DTWD2: variants seen among roughly 807,000 people sequenced by gnomAD.
The protein encoded by DTWD2 is DTW motif tRNA-uridine aminocarboxypropyltransferase 2.
In DTWD2, 39 loss-of-function variants were observed where a neutral mutation model predicts 31.8. That is an observed-to-expected ratio of 1.22 (90% CI 0.95 to 1.60). DTWD2 has a LOEUF of 1.60. Ranked by LOEUF, DTWD2 falls within the 40% of genes most tolerant of loss-of-function variation. The probability of loss-of-function intolerance (pLI) is 0.00; values close to 1 mark genes in which losing one functional copy is unlikely to be tolerated. For synonymous variants in DTWD2, 180 were observed against 142.8 expected (o/e 1.26, Z -1.86); for missense variants, 515 against 381.5 (o/e 1.35, Z -2.92).
rs1437229099 is a variant in DTWD2 at position 118,837,073 on chromosome 5, T to G, written c.*3844A>C. Among the ~76,000 whole-genome samples, 1 of 152,178 alleles carries G rather than the reference T, an allele frequency of 6.6e-6. No homozygotes were observed. Among genetic ancestry groups the G allele is most frequent in the Non-Finnish European group, 1.5e-5 (1 of 68,018 alleles). On this transcript the variant is annotated 3_prime_UTR_variant, in exon 6 of 6. Transcript: ENST00000510708. ...AACATGCTATGTAAGGATGTATGAG[T>G]ATTTGTATAAATAACAACAGCTAGT...
At chr5:118,846,242 T>C (rs1751849876) in intron 5 of DTWD2, among the ~76,000 whole-genome samples, 2 of 152,068 alleles carry the variant, frequency 1.3e-5, no homozygotes, top group African/African-American at 4.8e-5. Context: ...CAAAATAATA[T>C]AAAATTGGAG....
chr5:118,842,734 A>G (rs557130573), intron 5 of DTWD2, among the ~76,000 whole-genome samples: 102 of 151,498 alleles, frequency 6.7e-4, no homozygotes, highest in African/African-American at 2.4e-3. Flanking sequence ...GCAGTTTGAG[A>G]CCAGCCCAGG....
rs191325697 is a variant in DTWD2, at chr5:118,971,039, A to G, written c.218+17255T>C. On this transcript the variant is annotated intron_variant, in intron 1 of 5. Coordinates refer to ENST00000510708, the MANE Select transcript of DTWD2 (RefSeq NM_173666.4). The stretch of plus-strand genomic sequence containing the variant: ...ACCAGTCACTACATAAATCCACTGA[A>G]GTACGCAAATCAGTGACACTACAAA... Among the ~76,000 whole-genome samples the G allele has an allele frequency of 7.5e-4, 114 of 152,342 alleles. 3 individuals are homozygous for G. In the Middle Eastern group the frequency reaches 0.017, roughly 23 times the overall value.
At chr5:118,908,248 G>T (rs1753377750) in intron 4 of DTWD2, among the ~76,000 whole-genome samples, 2 of 152,078 alleles carry the variant, frequency 1.3e-5, no homozygotes, top group South Asian at 4.2e-4. Context: ...ACCTGCATAG[G>T]GACCTCAGGA....
intron 1 of DTWD2, among the ~76,000 whole-genome samples, chr5:118,951,296 G>C (rs1276949611): frequency 6.6e-6 from 1 of 152,094 alleles, no homozygotes. Flanking sequence ...GCCTGGCAAG[G>C]GGCAGCCTGG....
chr5:118,928,106 G>A (rs1041184639), intron 4 of DTWD2, among the ~76,000 whole-genome samples: 4 of 151,916 alleles, frequency 2.6e-5, no homozygotes, highest in African/African-American at 4.8e-5. Flanking sequence ...CTGTAATAAT[G>A]AATGACAAAA....
intron 4 of DTWD2, among the ~76,000 whole-genome samples, chr5:118,862,721 A>G (rs1752290288): frequency 6.6e-6 from 1 of 152,184 alleles, no homozygotes; most frequent in South Asian, 2.1e-4. Flanking sequence ...CAATTTGTTC[A>G]GATGTTCAAT....
rs188726131 is a variant in DTWD2, at chr5:118,869,706, T to C, written c.598-21488A>G. ...AGGTATGGAAAAAGATACTCCAATA[T>C]GTTAACATAGCCTTTGTTATGGTAA... On this transcript the variant is annotated intron_variant, in intron 4 of 5. Coordinates refer to ENST00000510708, the MANE Select transcript of DTWD2 (RefSeq NM_173666.4). Among the ~76,000 whole-genome samples, 6 of 152,348 alleles carry C rather than the reference T, an allele frequency of 3.9e-5. 1 individual carries two copies. In the South Asian group the frequency reaches 1.0e-3, roughly 26 times the overall value.
At chr5:118,893,901 G>A (rs1409525485) in intron 4 of DTWD2, among the ~76,000 whole-genome samples, 1 of 152,074 alleles carries the variant, frequency 6.6e-6, no homozygotes, top group Non-Finnish European at 1.5e-5. Flanking sequence ...CAAATGACAA[G>A]GGAACAGTTT....
rs187697149 is a variant in DTWD2, at chr5:118,856,775, T to C, written c.598-8557A>G. Among the ~76,000 whole-genome samples the C allele has an allele frequency of 3.7e-3, 520 of 140,342 alleles. 6 individuals are homozygous for C. The highest frequency in any genetic ancestry group is 0.013 in the African/African-American group (507 of 37,982). 92.1% of individuals were successfully genotyped at this position (140,342 alleles called of 152,430 possible). Reference sequence around the variant, plus strand: ...TCCATTGAGGCTTACTTTTTTTTTTTTTTTTTTTTTTTTGAGATGGAGTTT... The same window carrying C: ...TCCATTGAGGCTTACTTTTTTTTTTCTTTTTTTTTTTTTGAGATGGAGTTT... On this transcript the variant is annotated intron_variant, in intron 4 of 5. Transcript: ENST00000510708.
intron 4 of DTWD2, among the ~76,000 whole-genome samples, chr5:118,880,355 G>GT (rs1195932142): frequency 2.0e-5 from 3 of 152,160 alleles, no homozygotes; most frequent in African/African-American, 4.8e-5. Flanking sequence ...TCAGATGCGT[G>GT]TAACAGTTGG....
chr5:118,897,663 G>A (rs1014959332), intron 4 of DTWD2, among the ~76,000 whole-genome samples: 2 of 152,144 alleles, frequency 1.3e-5, no homozygotes, highest in Non-Finnish European at 2.9e-5. Context: ...CCACACATCA[G>A]TGTTAAAAAC....
At chr5:118,939,871 C>T (rs575579905) in intron 2 of DTWD2, among the ~76,000 whole-genome samples, 21 of 152,274 alleles carry the variant, frequency 1.4e-4, no homozygotes, top group African/African-American at 5.1e-4. Flanking sequence ...TAACACAGTA[C>T]TGGGTTATAA....
intron 1 of DTWD2, among the ~76,000 whole-genome samples, chr5:118,947,401 G>T (rs761415343): frequency 2.0e-4 from 31 of 152,316 alleles, no homozygotes; most frequent in Middle Eastern, 6.8e-3. Context: ...GCTGGAAGAG[G>T]GATGGAGCAG....
intron 1 of DTWD2, among the ~76,000 whole-genome samples, chr5:118,985,632 C>G (rs1245376793): frequency 6.6e-6 from 1 of 151,142 alleles, no homozygotes; most frequent in African/African-American, 2.4e-5. Flanking sequence ...ATCCTTTTGC[C>G]TTCTGACTCT....
At chr5:118,875,037 A>G (rs1054905844) in intron 4 of DTWD2, among the ~76,000 whole-genome samples, 25 of 152,344 alleles carry the variant, frequency 1.6e-4, no homozygotes, top group African/African-American at 5.8e-4. Context: ...ACAAGCCAGA[A>G]GAAATTGGAG....
intron 4 of DTWD2, among the ~76,000 whole-genome samples, chr5:118,903,019 T>C (rs1753250815): frequency 6.6e-6 from 1 of 152,036 alleles, no homozygotes; most frequent in African/African-American, 2.4e-5. Flanking sequence ...TACTAATAAA[T>C]TTCTATGTTT....
chr5:118,948,245 G>C (rs1249308768), intron 1 of DTWD2, among the ~76,000 whole-genome samples: 2 of 152,106 alleles, frequency 1.3e-5, no homozygotes, highest in Non-Finnish European at 2.9e-5. Flanking sequence ...GGAGGCCGAG[G>C]CGGGCGGATC....
chr5:118,909,886 C>A (rs1753420063), intron 4 of DTWD2, among the ~76,000 whole-genome samples: 1 of 152,200 alleles, frequency 6.6e-6, no homozygotes, highest in Non-Finnish European at 1.5e-5. Flanking sequence ...TAGCATGCTA[C>A]ACAATATGCC....
Sources: allele counts gnomAD v4.1 joint callset (sites outside exome capture counted in the v4.1 genomes callset), GRCh38; gene constraint gnomAD v4.1.1; transcripts MANE v1.5; gene names NCBI Gene and HGNC (gene_info 2026-07-23, HGNC 2026-07-21).